ANKS1B: variants seen among roughly 807,000 people sequenced by gnomAD.
ANKS1B encodes the protein ankyrin repeat and sterile alpha motif domain-containing protein 1B.
Under a neutral mutation model 148.3 loss-of-function variants are expected in ANKS1B, and 36 were observed. That is an observed-to-expected ratio of 0.24 (90% CI 0.19 to 0.32). The LOEUF (loss-of-function observed/expected upper bound fraction) is 0.32. Ranked by LOEUF, ANKS1B falls within the 10% of genes least tolerant of loss-of-function variation. The pLI, the probability that ANKS1B is intolerant of heterozygous loss-of-function variation, is 1.00. For missense variants in ANKS1B, 1,157 were observed against 1,542.6 expected (o/e 0.75, Z 4.19); for synonymous variants, 542 against 560.8 (o/e 0.97, Z 0.47).
intron 9 of ANKS1B, among the ~76,000 whole-genome samples, chr12:99,651,251 C>T (rs1184715662): frequency 6.6e-6 from 1 of 152,154 alleles, no homozygotes; most frequent in Non-Finnish European, 1.5e-5. Context: ...ATATGAAAAA[C>T]ATTTCACAGG....
At chr12:99,661,100 C>T (rs1218777679) in intron 8 of ANKS1B, among the ~76,000 whole-genome samples, 1 of 151,984 alleles carries the variant, frequency 6.6e-6, no homozygotes, top group Non-Finnish European at 1.5e-5. Context: ...TAGTATTAAA[C>T]AGGTTTTACT....
intron 14 of ANKS1B, among the ~76,000 whole-genome samples, chr12:99,184,701 A>C (rs936321446): frequency 2.0e-5 from 3 of 152,230 alleles, no homozygotes; most frequent in Admixed American, 1.3e-4. Context: ...CATTGCTTAC[A>C]ATGTATCCTC....
At chr12:99,275,556 T>G (rs146396005) in intron 12 of ANKS1B, among the ~76,000 whole-genome samples, 3 of 152,374 alleles carry the variant, frequency 2.0e-5, no homozygotes, top group Non-Finnish European at 4.4e-5. Flanking sequence ...TACTCTATTG[T>G]GCATATGCAC....
intron 12 of ANKS1B, among the ~76,000 whole-genome samples, chr12:99,255,119 C>A (rs564861849): frequency 6.6e-6 from 1 of 152,232 alleles, no homozygotes; most frequent in East Asian, 1.9e-4. Context: ...TTAAAATCAT[C>A]TAGACTCAAC....
intron 12 of ANKS1B, among the ~76,000 whole-genome samples, chr12:99,326,149 A>G (rs756713781): frequency 6.6e-6 from 1 of 151,992 alleles, no homozygotes; most frequent in Admixed American, 6.6e-5. Context: ...TCCAAGACAC[A>G]TGGGGATTAT....
chr12:98,748,551 T>C (rs2097963359), intron 26 of ANKS1B, among the ~76,000 whole-genome samples: 1 of 152,194 alleles, frequency 6.6e-6, no homozygotes, highest in Admixed American at 6.5e-5. Flanking sequence ...TCTGGCACCA[T>C]GAGCTTTGCA....
intron 14 of ANKS1B, among the ~76,000 whole-genome samples, chr12:99,223,980 A>C (rs2085497095): frequency 6.6e-6 from 1 of 151,956 alleles, no homozygotes; most frequent in African/African-American, 2.4e-5. Context: ...AGTGGGGAAA[A>C]CTCTGCTGTA....
At chr12:99,443,590 G>A (rs2095586197) in intron 11 of ANKS1B, 83 bp downstream of exon 11, 4 of 1,408,442 alleles carry the variant, frequency 2.8e-6, no homozygotes, top group Non-Finnish European at 3.9e-6. Context: ...AAACAGTCCA[G>A]GCATTGCAAT....
chr12:99,754,648 C>T (rs1010083753), intron 8 of ANKS1B, among the ~76,000 whole-genome samples: 4 of 152,130 alleles, frequency 2.6e-5, no homozygotes, highest in Admixed American at 1.3e-4. Context: ...AACAAACAGT[C>T]TCTCAGACCA....
intron 8 of ANKS1B, among the ~76,000 whole-genome samples, chr12:99,693,669 G>A (rs12426032): frequency 0.12 from 18,759 of 151,876 alleles, 1,778 homozygotes; most frequent in East Asian, 0.46. Flanking sequence ...ATGGCAAAAT[G>A]AATGTTAAAA....
intron 1 of ANKS1B, among the ~76,000 whole-genome samples, chr12:99,830,413 A>G (rs1162939015): frequency 6.6e-6 from 1 of 152,122 alleles, no homozygotes; most frequent in African/African-American, 2.4e-5. Context: ...TTTACGGAAA[A>G]CTCAACTAAA....
intron 17 of ANKS1B, among the ~76,000 whole-genome samples, chr12:99,047,587 G>A (rs767410039): frequency 6.6e-6 from 1 of 152,074 alleles, no homozygotes; most frequent in African/African-American, 2.4e-5. Flanking sequence ...TGCAGCCAGG[G>A]GGAAAAAAAC....
chr12:98,782,160 C>T, intron 22 of ANKS1B, 23 bp from the exon 23 acceptor site: 2 of 1,589,822 alleles, frequency 1.3e-6, no homozygotes, highest in South Asian at 1.1e-5. Context: ...CCAGTTAAGA[C>T]AGATGGGAAC....
chr12:99,949,429 A>G (rs1421615611), intron 1 of ANKS1B, among the ~76,000 whole-genome samples: 2 of 152,246 alleles, frequency 1.3e-5, no homozygotes, highest in Non-Finnish European at 2.9e-5. Flanking sequence ...TAGATCAAGT[A>G]GCACAAACTC....
chr12:98,754,898 G>A (rs181597978), intron 25 of ANKS1B, among the ~76,000 whole-genome samples: 1 of 152,260 alleles, frequency 6.6e-6, no homozygotes, highest in East Asian at 1.9e-4. Context: ...TTCTGGTTCC[G>A]CTTACATTTT....
At chr12:98,851,827 C>T (rs1212418684) in intron 17 of ANKS1B, among the ~76,000 whole-genome samples, 3 of 151,842 alleles carry the variant, frequency 2.0e-5, no homozygotes, top group African/African-American at 7.3e-5. Context: ...AGATCGAGAG[C>T]ATCCTGGCCA....
At chr12:99,404,240 G>C (rs574841768) in intron 11 of ANKS1B, among the ~76,000 whole-genome samples, 1 of 145,190 alleles carries the variant, frequency 6.9e-6, no homozygotes, top group African/African-American at 2.6e-5. Context: ...TTAATGCCTG[G>C]GTGACAAAAT....
At chr12:99,822,108 A>C (rs1162543121) in intron 2 of ANKS1B, among the ~76,000 whole-genome samples, 2 of 152,094 alleles carry the variant, frequency 1.3e-5, no homozygotes, top group Admixed American at 1.3e-4. Flanking sequence ...GATGGCATTA[A>C]ATTTATACAT....
intron 16 of ANKS1B, among the ~76,000 whole-genome samples, chr12:99,072,255 A>T (rs2153590726): frequency 6.6e-6 from 1 of 152,214 alleles, no homozygotes; most frequent in South Asian, 2.1e-4. Context: ...CAACATCAAA[A>T]ATGTATTGAT....
Sources: allele counts gnomAD v4.1 joint callset (sites outside exome capture counted in the v4.1 genomes callset), GRCh38; gene constraint gnomAD v4.1.1; transcripts MANE v1.5; gene names NCBI Gene and HGNC (gene_info 2026-07-23, HGNC 2026-07-21).